Variants in DOCK10 observed in about 807,000 individuals in gnomAD.
The protein encoded by DOCK10 is dedicator of cytokinesis 10.
In DOCK10, 145 loss-of-function variants were observed where a neutral mutation model predicts 280.1. The observed-to-expected ratio is 0.52, with a 90% CI of 0.45 to 0.59. The LOEUF (loss-of-function observed/expected upper bound fraction) is 0.59. Among genes scored for constraint, DOCK10 ranks in the 20% least tolerant of loss-of-function variants. DOCK10 has a pLI of 0.00. For synonymous variants in DOCK10, 915 were observed against 942.2 expected, an observed-to-expected ratio of 0.97 and a Z score of 0.53; for missense variants, 2,368 against 2,651.7, an observed-to-expected ratio of 0.89 and a Z score of 2.35.
intron 1 of DOCK10, chr2:225,010,619 T>G (rs777002245): frequency 4.5e-5 from 7 of 154,306 alleles, no homozygotes; most frequent in Non-Finnish European, 8.8e-5. Context: ...GAACGTAAGA[T>G]CAGTTCAGGC....
intron 3 of DOCK10, among the ~76,000 whole-genome samples, chr2:224,912,506 T>C (rs1245777131): frequency 6.6e-6 from 1 of 152,156 alleles, no homozygotes; most frequent in Non-Finnish European, 1.5e-5. Context: ...AAAATTTATG[T>C]GTAATAGCAC....
chr2:224,785,374 C>A (rs1249775265), intron 50 of DOCK10, among the ~76,000 whole-genome samples: 7 of 152,054 alleles, frequency 4.6e-5, no homozygotes, highest in Non-Finnish European at 8.8e-5. Context: ...CCTGATATTC[C>A]TGTGTCCTGA....
rs114302495 is a variant in DOCK10, at chr2:224,843,488, A to T, written c.2568+1265T>A. On this transcript the variant is annotated intron_variant, in intron 22 of 55. Coordinates refer to ENST00000258390, the MANE Select transcript of DOCK10 (RefSeq NM_014689.3). ...CAGGGCTGATGGCATCAGAGAAAAG[A>T]TGGGTTTAAATCATTGTGGGTGCAG... Among the ~76,000 whole-genome samples, 737 of 152,264 alleles carry T rather than the reference A, an allele frequency of 4.8e-3. 4 individuals carry two copies. Among genetic ancestry groups the T allele is most frequent in the Non-Finnish European group, 8.2e-3 (559 of 68,020 alleles).
chr2:225,028,035 A>T (rs1689964215), intron 1 of DOCK10, among the ~76,000 whole-genome samples: 1 of 152,212 alleles, frequency 6.6e-6, no homozygotes, highest in African/African-American at 2.4e-5. Flanking sequence ...GCACTTTCTG[A>T]GCATTTTTAT....
At chr2:224,838,173 A>C (rs139932283) in intron 24 of DOCK10, among the ~76,000 whole-genome samples, 1 of 152,338 alleles carries the variant, frequency 6.6e-6, no homozygotes, top group East Asian at 1.9e-4. Flanking sequence ...TTTTTGCAAA[A>C]GGGATTATTT....
chr2:224,849,792 C>T (rs1183074859), intron 18 of DOCK10, among the ~76,000 whole-genome samples, 193 bp from the exon 19 acceptor site: 1 of 152,152 alleles, frequency 6.6e-6, no homozygotes, highest in Non-Finnish European at 1.5e-5. Context: ...ACAATGAAAG[C>T]TGCTGAAGAT....
chr2:225,037,448 A>C (rs1690291493), intron 1 of DOCK10, among the ~76,000 whole-genome samples: 1 of 152,150 alleles, frequency 6.6e-6, no homozygotes, highest in African/African-American at 2.4e-5. Flanking sequence ...GGCAACACCA[A>C]TCAACGTCAG....
chr2:224,915,431 T>C (rs1466905173), intron 3 of DOCK10, among the ~76,000 whole-genome samples: 2 of 152,152 alleles, frequency 1.3e-5, no homozygotes, highest in Non-Finnish European at 2.9e-5. Flanking sequence ...AAAGGTATTG[T>C]AATGCAATGT....
intron 1 of DOCK10, among the ~76,000 whole-genome samples, chr2:224,945,902 C>A (rs1171171956): frequency 6.6e-6 from 1 of 152,098 alleles, no homozygotes; most frequent in Non-Finnish European, 1.5e-5. Context: ...AATTTGCTAA[C>A]CATCCTACAC....
intron 11 of DOCK10, among the ~76,000 whole-genome samples, chr2:224,872,674 TGGATGAA>T (rs1698363869): frequency 6.6e-6 from 1 of 152,236 alleles, no homozygotes; most frequent in South Asian, 2.1e-4. Context: ...GGATCATAAA[TGGATGAA>T]GGCATGAGAC....
At chr2:224,900,464 T>C (rs941661219) in intron 3 of DOCK10, among the ~76,000 whole-genome samples, 3 of 152,198 alleles carry the variant, frequency 2.0e-5, no homozygotes, top group South Asian at 2.1e-4. Flanking sequence ...GAAATACAAT[T>C]TCAAACTGGA....
At chr2:224,928,098 A>G (rs917690992) in intron 2 of DOCK10, among the ~76,000 whole-genome samples, 1 of 152,186 alleles carries the variant, frequency 6.6e-6, no homozygotes, top group Non-Finnish European at 1.5e-5. Flanking sequence ...CTGCATGGAC[A>G]CTTCCTGTTG....
chr2:224,983,005 G>C (rs1190837438), intron 1 of DOCK10, among the ~76,000 whole-genome samples: 1 of 152,124 alleles, frequency 6.6e-6, no homozygotes, highest in Non-Finnish European at 1.5e-5. Context: ...GTTCCCCTGT[G>C]ATTTCCTCTC....
intron 1 of DOCK10, among the ~76,000 whole-genome samples, chr2:224,932,095 T>C (rs1342231734): frequency 1.3e-5 from 2 of 152,214 alleles, no homozygotes; most frequent in African/African-American, 4.8e-5. Flanking sequence ...TTAAAAATGT[T>C]GGCACCTTGT....
At chr2:224,857,049 C>G in intron 14 of DOCK10, 67 bp from the exon 15 acceptor site, 2 of 1,293,934 alleles carry the variant, frequency 1.5e-6, no homozygotes, top group Non-Finnish European at 2.1e-6. Context: ...TTTAACGTGA[C>G]TATATTAATT....
intron 1 of DOCK10, among the ~76,000 whole-genome samples, chr2:224,991,474 T>C (rs281525): frequency 0.43 from 64,661 of 152,042 alleles, 14,120 homozygotes; most frequent in East Asian, 0.65. Flanking sequence ...TTACAACTAT[T>C]TGTGTTATTA....
chr2:224,840,096 A>G, intron 23 of DOCK10, 24 bp from the exon 24 acceptor site: 6 of 1,143,024 alleles, frequency 5.2e-6, no homozygotes, highest in South Asian at 2.9e-5. Flanking sequence ...GCAGAAAAAA[A>G]GGATACCAAT....
chr2:224,857,184 T>C (rs1697204896), intron 14 of DOCK10, among the ~76,000 whole-genome samples: 2 of 152,276 alleles, frequency 1.3e-5, no homozygotes, highest in Admixed American at 6.5e-5. Flanking sequence ...TTTAACTCTG[T>C]ATCCGAAGTG....
intron 1 of DOCK10, among the ~76,000 whole-genome samples, chr2:224,954,532 C>G (rs190515819): frequency 5.1e-4 from 78 of 152,228 alleles, no homozygotes; most frequent in African/African-American, 1.7e-3. Context: ...CCAGCTTCAG[C>G]CTGCTCTGCT....
Sources: gnomAD v4.1 joint callset for allele counts (sites outside exome capture counted in the v4.1 genomes callset) on GRCh38, gnomAD v4.1.1 for gene constraint, MANE v1.5 for transcripts, NCBI Gene and HGNC (gene_info 2026-07-23, HGNC 2026-07-21) for gene names.